The following SLC10A6 variants were observed in gnomAD, a reference collection of about 807,000 sequenced individuals.
The protein encoded by SLC10A6 is solute carrier family 10 member 6.
A neutral mutation model predicts 30.0 loss-of-function variants in SLC10A6; 27 were observed. That is an observed-to-expected ratio of 0.90 (90% CI 0.66 to 1.24). SLC10A6 has a LOEUF of 1.24. Ranked by LOEUF, SLC10A6 falls within the 50% of genes most tolerant of loss-of-function variation. The probability of loss-of-function intolerance (pLI) is 0.00; values close to 1 mark genes in which losing one functional copy is unlikely to be tolerated. For synonymous variants in SLC10A6, 166 were observed against 173.8 expected (o/e 0.95, Z 0.36); for missense variants, 439 against 457.0 (o/e 0.96, Z 0.36).
chr4:86,825,301 G>T, intron 5 of SLC10A6, 119 bp downstream of exon 5: 1 of 895,216 alleles, frequency 1.1e-6, no homozygotes, highest in Non-Finnish European at 1.7e-6. Context: ...AGAAATGTCA[G>T]GCTTTCAAAA....
intron 1 of SLC10A6, among the ~76,000 whole-genome samples, chr4:86,841,658 A>C (rs1331594005): frequency 6.6e-6 from 1 of 152,240 alleles, no homozygotes; most frequent in African/African-American, 2.4e-5. Flanking sequence ...GGGAAATTAC[A>C]TATATACACA....
In SLC10A6 at chr4:86,837,223, GAGAGAAAGAAAGAAAGAAAGAAAGAA is replaced by G. The variant is rs1254600771; in HGVS notation, c.378-3825_378-3800del. Among the ~76,000 whole-genome samples, 290 of 114,556 alleles carry G rather than the reference GAGAGAAAGAAAGAAAGAAAGAAAGAA, an allele frequency of 2.5e-3. 7 individuals carry two copies. Among genetic ancestry groups the G allele is most frequent in the African/African-American group, 0.012 (278 of 22,586 alleles). The allele number at this position is 114,556 out of a possible 152,430, so 75.2% of individuals were successfully genotyped here. On this transcript the variant is annotated intron_variant, in intron 1 of 5. Transcript: ENST00000273905. ...ATGTAGAGAGAGAGAGAGAGAGAGAGAGAGAAAGAAAGAAAGAAAGAAAGAAAGAAAGAAAGAAAGAAAGAAAGAAA... is the reference window on the plus strand; with the variant it reads ...ATGTAGAGAGAGAGAGAGAGAGAGAGAGAAAGAAAGAAAGAAAGAAAGAAA...
At chr4:86,831,174 T>G (rs1746074930) in intron 3 of SLC10A6, among the ~76,000 whole-genome samples, 1 of 152,166 alleles carries the variant, frequency 6.6e-6, no homozygotes, top group South Asian at 2.1e-4. Flanking sequence ...AACAAAGACA[T>G]TTGCTTGTTT....
At chr4:86,824,485 C>G (rs1745942373) in intron 5 of SLC10A6, among the ~76,000 whole-genome samples, 2 of 152,096 alleles carry the variant, frequency 1.3e-5, no homozygotes, top group Admixed American at 1.3e-4. Flanking sequence ...TATCAGTAAT[C>G]ATTGAGTCTT....
At chr4:86,837,343 A>AAGGT (rs58692864) in intron 1 of SLC10A6, among the ~76,000 whole-genome samples, 2 of 102,924 alleles carry the variant, frequency 1.9e-5, no homozygotes, top group Admixed American at 1.9e-4. Flanking sequence ...GGAAGGAAGG[A>AAGGT]AGGCAGGCAG....
At chr4:86,827,801 T>C (rs775424510) in intron 4 of SLC10A6, among the ~76,000 whole-genome samples, 192 bp downstream of exon 4, 1 of 152,224 alleles carries the variant, frequency 6.6e-6, no homozygotes, top group Admixed American at 6.5e-5. Flanking sequence ...TTTGCTTTAA[T>C]TTACATAAAG....
chr4:86,828,775 T>C (rs1746036958), intron 3 of SLC10A6, among the ~76,000 whole-genome samples: 1 of 152,188 alleles, frequency 6.6e-6, no homozygotes, highest in South Asian at 2.1e-4. Flanking sequence ...TTACTTTTGT[T>C]GTTTAACAAG....
In SLC10A6 at chr4:86,837,281, A is replaced by AAGAAAGAAAGAAAGAG. The variant is rs34533020; in HGVS notation, c.378-3858_378-3857insCTCTTTCTTTCTTTCT. On this transcript the variant is annotated intron_variant, in intron 1 of 5. Transcript: ENST00000273905. ...AAAGAAAGAAAGAAAGAAAGAAAGA[A>AAGAAAGAAAGAAAGAG]AGAAAAAGAAAGGAAGGAAGGAAGG... 3.6e-3 allele frequency among the ~76,000 whole-genome samples: 328 copies of AAGAAAGAAAGAAAGAG among 90,224 alleles called. 21 individuals are homozygous for AAGAAAGAAAGAAAGAG. The highest frequency in any genetic ancestry group is 0.012 in the African/African-American group (237 of 19,646). 59.2% of individuals were successfully genotyped at this position (90,224 alleles called of 152,430 possible). A position where few individuals can be genotyped will look rare whatever the true frequency, so the allele number is the denominator to read the frequency against.
chr4:86,843,743 G>A (rs541826947), intron 1 of SLC10A6, among the ~76,000 whole-genome samples: 4 of 152,242 alleles, frequency 2.6e-5, no homozygotes, highest in South Asian at 2.1e-4. Context: ...CCCAGGACAC[G>A]ATGTTCTTTT....
intron 1 of SLC10A6, chr4:86,837,794 T>A: frequency 4.5e-6 from 1 of 222,138 alleles, no homozygotes; most frequent in Non-Finnish European, 7.6e-6. Flanking sequence ...ACAATCTGTT[T>A]AAGCATGTAC....
chr4:86,831,764 T>C (rs1467717335), intron 3 of SLC10A6, 28 bp downstream of exon 3: 1 of 1,588,102 alleles, frequency 6.3e-7, no homozygotes, highest in Non-Finnish European at 8.6e-7. Flanking sequence ...TCTGAGGACG[T>C]GCCAACAGTG....
chr4:86,830,996 G>A (rs1023816013), intron 3 of SLC10A6, among the ~76,000 whole-genome samples: 6 of 151,940 alleles, frequency 3.9e-5, no homozygotes, highest in South Asian at 4.2e-4. Flanking sequence ...TTTTAGAGAT[G>A]GGGTCTCACT....
intron 3 of SLC10A6, among the ~76,000 whole-genome samples, 177 bp downstream of exon 3, chr4:86,831,615 A>C (rs1472935208): frequency 6.6e-6 from 1 of 152,224 alleles, no homozygotes; most frequent in Non-Finnish European, 1.5e-5. Context: ...GTGGCAAAGC[A>C]AGGCTTACAG....
intron 1 of SLC10A6, among the ~76,000 whole-genome samples, chr4:86,837,227 GAAAGAA>G (rs1267803541): frequency 6.3e-4 from 37 of 58,866 alleles, no homozygotes; most frequent in African/African-American, 3.0e-3. Flanking sequence ...GAGAGAGAGA[GAAAGAA>G]AGAAAGAAAG....
chr4:86,842,007 T>C (rs1746300181), intron 1 of SLC10A6, among the ~76,000 whole-genome samples: 2 of 152,240 alleles, frequency 1.3e-5, no homozygotes, highest in Admixed American at 1.3e-4. Context: ...TGCTTTTATA[T>C]ACATTTTCTC....
chr4:86,828,168 T>G lies in SLC10A6; in HGVS notation c.586A>C (p.Ile196Leu). ...WPKQSKIILK[I>L]GAVVGGVLLL... is the part of the protein sequence containing the mutation. ...AGGACCCCACCAACAACGGCCCCAA[T>G]CTGAAGCAAACAATAAAATAAGTGA... The change falls in exon 4 of 6, where the codon ATT becomes CTT. Residue 196 changes from isoleucine (I) to leucine (L), a missense_variant and splice_region_variant. Coordinates refer to ENST00000273905, the MANE Select transcript of SLC10A6 (RefSeq NM_197965.3). The G allele has an allele frequency of 6.2e-7, 1 of 1,609,076 alleles. No homozygotes were observed. Among genetic ancestry groups the G allele is most frequent in the African/African-American group, 1.3e-5 (1 of 74,398 alleles).
chr4:86,840,249 C>T (rs556177244), intron 1 of SLC10A6, among the ~76,000 whole-genome samples: 2 of 152,226 alleles, frequency 1.3e-5, no homozygotes, highest in Admixed American at 1.3e-4. Context: ...GTTGTGCTTT[C>T]TTTCATGTCA....
intron 1 of SLC10A6, chr4:86,837,631 A>G: frequency 1.0e-6 from 1 of 985,396 alleles, no homozygotes; most frequent in Non-Finnish European, 1.2e-6. Context: ...CTCACTCCCA[A>G]ATCGCAAGTT....
intron 3 of SLC10A6, among the ~76,000 whole-genome samples, chr4:86,828,582 G>A (rs1180616256): frequency 1.3e-5 from 2 of 151,770 alleles, no homozygotes; most frequent in Non-Finnish European, 2.9e-5. Flanking sequence ...TGCCCTGCCT[G>A]ACCATCTGCC....
Sources: gnomAD v4.1 joint callset for allele counts (sites outside exome capture counted in the v4.1 genomes callset) on GRCh38, gnomAD v4.1.1 for gene constraint, MANE v1.5 for transcripts, NCBI Gene and HGNC (gene_info 2026-07-23, HGNC 2026-07-21) for gene names.